Variants in NR3C2 observed in about 807,000 individuals in gnomAD.
NR3C2 encodes nuclear receptor subfamily 3 group C member 2.
NR3C2 carries 15 observed loss-of-function variants against 86.4 expected under a neutral mutation model. That is an observed-to-expected ratio of 0.17 (90% confidence interval 0.12 to 0.27). NR3C2 has a LOEUF of 0.27. NR3C2 is among the 10% of genes least tolerant of loss of function. The pLI, the probability that NR3C2 is intolerant of heterozygous loss-of-function variation, is 1.00. For synonymous variants in NR3C2, 458 were observed against 450.5 expected (o/e 1.02, Z -0.21); for missense variants, 960 against 1,195.6 (o/e 0.80, Z 2.91).
chr4:148,300,211 C>T (rs771122074), intron 2 of NR3C2, among the ~76,000 whole-genome samples: 9 of 152,134 alleles, frequency 5.9e-5, no homozygotes, highest in Non-Finnish European at 8.8e-5. Context: ...CACCATTTTG[C>T]GATGGTGGCC....
intron 4 of NR3C2, among the ~76,000 whole-genome samples, chr4:148,168,873 ATGTT>A (rs1734996991): frequency 6.6e-6 from 1 of 152,134 alleles, no homozygotes; most frequent in African/African-American, 2.4e-5. Flanking sequence ...GGATGTGCCT[ATGTT>A]TGTAATGTGC....
At chr4:148,123,116 A>G (rs1732587772) in intron 6 of NR3C2, among the ~76,000 whole-genome samples, 1 of 152,186 alleles carries the variant, frequency 6.6e-6, no homozygotes, top group Non-Finnish European at 1.5e-5. Context: ...GGGGAGGTCT[A>G]TAAATGGCCG....
upstream of NR3C2, chr4:148,445,103 T>A: frequency 3.2e-6 from 2 of 630,188 alleles, no homozygotes; most frequent in Non-Finnish European, 4.0e-6. Flanking sequence ...GCCCTCCCAC[T>A]ACGGCCACTG....
At chr4:148,375,786 T>C (rs1218658355) in intron 2 of NR3C2, among the ~76,000 whole-genome samples, 2 of 152,190 alleles carry the variant, frequency 1.3e-5, no homozygotes, top group African/African-American at 2.4e-5. Flanking sequence ...GTGCCTCTTT[T>C]CAACTCAGTT....
chr4:148,365,472 A>G (rs1746065564), intron 2 of NR3C2, among the ~76,000 whole-genome samples: 1 of 152,120 alleles, frequency 6.6e-6, no homozygotes, highest in African/African-American at 2.4e-5. Flanking sequence ...AGTGCCATGG[A>G]TCTTTTGGCA....
chr4:148,435,427 G>A lies in NR3C2; in HGVS notation c.1434C>T (p.Pro478=), dbSNP rs777367405. ...SLSGILGPPV[P]GFDGNCEGSG... ...TGCCTTCACAGTTACCATCAAAGCCGGGCACAGGTGGTCCTAAAATTCCTG... is the reference window on the plus strand; with the variant it reads ...TGCCTTCACAGTTACCATCAAAGCCAGGCACAGGTGGTCCTAAAATTCCTG... The change falls in exon 2 of 9, where the codon CCC becomes CCT. Residue 478 remains proline (P), a synonymous_variant. Transcript: ENST00000358102. The A allele has an allele frequency of 9.3e-6, 15 of 1,613,950 alleles. No individual in the cohort carries two copies. Among genetic ancestry groups the A allele is most frequent in the Admixed American group, 1.7e-5 (1 of 59,992 alleles).
chr4:148,190,126 C>T (rs1342974859), intron 4 of NR3C2, among the ~76,000 whole-genome samples: 1 of 151,906 alleles, frequency 6.6e-6, no homozygotes, highest in East Asian at 1.9e-4. Context: ...TGAGTTGTGA[C>T]CTTAGATTGT....
At chr4:148,354,249 A>G (rs1338826175) in intron 2 of NR3C2, among the ~76,000 whole-genome samples, 1 of 152,094 alleles carries the variant, frequency 6.6e-6, no homozygotes, top group Non-Finnish European at 1.5e-5. Flanking sequence ...GATTTTCTTA[A>G]TAACATTTCG....
At chr4:148,198,673 G>T (rs7693077) in intron 3 of NR3C2, among the ~76,000 whole-genome samples, 19,523 of 149,960 alleles carry the variant, frequency 0.13, 1,383 homozygotes, top group African/African-American at 0.16. Flanking sequence ...TACACATAAA[G>T]CAAGAAGCAC....
rs565367891 is a variant in NR3C2, at chr4:148,380,311, T to C, written c.1757+54793A>G. Among the ~76,000 whole-genome samples the C allele has an allele frequency of 3.3e-5, 5 of 152,334 alleles. No individual in the cohort carries two copies. The South Asian group carries it at 1.0e-3, about 32-fold the overall frequency. The stretch of plus-strand genomic sequence containing the variant: ...TCAGTACTTCATCCACTTTTATGGT[T>C]CAATAATTTCCACTCTTAAAGAGAA... On this transcript the variant is annotated intron_variant, in intron 2 of 8. Transcript: ENST00000358102.
chr4:148,419,728 T>C (rs988710469), intron 2 of NR3C2, among the ~76,000 whole-genome samples: 18 of 152,236 alleles, frequency 1.2e-4, no homozygotes, highest in Non-Finnish European at 2.6e-4. Flanking sequence ...CATCTGTAAA[T>C]GTACTTTGTA....
rs529710200 is a variant in NR3C2, at chr4:148,296,044, C to CAAAAAAAAAAAAA, written c.1758-35940_1758-35928dup. 6.8e-5 allele frequency among the ~76,000 whole-genome samples: 5 copies of CAAAAAAAAAAAAA among 73,936 alleles called. 1 individual carries two copies. The highest frequency in any genetic ancestry group is 9.8e-5 in the Non-Finnish European group (4 of 40,826). 48.5% of individuals were successfully genotyped at this position (73,936 alleles called of 152,430 possible). ...AGAGGTCCTTAATATGAGCTGAGGC[C>CAAAAAAAAAAAAA]AAAAAAAAAAAAAAAAAAAAAAGAG... On this transcript the variant is annotated intron_variant, in intron 2 of 8. Transcript: ENST00000358102.
chr4:148,260,193 T>C (rs1740026956), intron 2 of NR3C2, 76 bp from the exon 3 acceptor site: 7 of 1,582,180 alleles, frequency 4.4e-6, no homozygotes, highest in Non-Finnish European at 5.2e-6. Context: ...TAGCTCAAAA[T>C]TTGTCAATAA....
intron 8 of NR3C2, among the ~76,000 whole-genome samples, chr4:148,100,351 A>G (rs1397005903): frequency 6.6e-6 from 1 of 152,220 alleles, no homozygotes; most frequent in Non-Finnish European, 1.5e-5. Context: ...AATGTACAGA[A>G]TATATAAAGA....
At chr4:148,237,329 T>C (rs1219945875) in intron 3 of NR3C2, among the ~76,000 whole-genome samples, 1 of 152,158 alleles carries the variant, frequency 6.6e-6, no homozygotes, top group South Asian at 2.1e-4. Flanking sequence ...AAATCCAAAA[T>C]AGAAAGAGTC....
At chr4:148,383,016 T>C (rs1207457553) in intron 2 of NR3C2, among the ~76,000 whole-genome samples, 1 of 152,122 alleles carries the variant, frequency 6.6e-6, no homozygotes, top group Non-Finnish European at 1.5e-5. Flanking sequence ...CAACGATAAA[T>C]AAATATAATT....
intron 7 of NR3C2, among the ~76,000 whole-genome samples, chr4:148,119,342 C>G (rs1732407545): frequency 6.6e-6 from 1 of 152,206 alleles, no homozygotes; most frequent in African/African-American, 2.4e-5. Context: ...CCATCTCACA[C>G]CTTCTATCCA....
intron 6 of NR3C2, among the ~76,000 whole-genome samples, chr4:148,138,629 C>T (rs1326037949): frequency 6.6e-6 from 1 of 152,146 alleles, no homozygotes; most frequent in South Asian, 2.1e-4. Context: ...AGCAATCTGC[C>T]CACCTCAGCC....
At chr4:148,092,422 A>C (rs1013521077) in intron 8 of NR3C2, among the ~76,000 whole-genome samples, 2 of 152,110 alleles carry the variant, frequency 1.3e-5, no homozygotes, top group East Asian at 3.9e-4. Context: ...CACGGCTCCC[A>C]GAAGTGGCCC....
Sources: gnomAD v4.1 joint callset for allele counts (sites outside exome capture counted in the v4.1 genomes callset) on GRCh38, gnomAD v4.1.1 for gene constraint, MANE v1.5 for transcripts, NCBI Gene and HGNC (gene_info 2026-07-23, HGNC 2026-07-21) for gene names.